The following ELAVL2 variants were observed in gnomAD, a reference collection of about 807,000 sequenced individuals.
The protein encoded by ELAVL2 is ELAV-like protein 2.
Under a neutral mutation model 34.6 loss-of-function variants are expected in ELAVL2, and 4 were observed. The observed-to-expected ratio is 0.12, with a 90% CI of 0.06 to 0.26. The LOEUF (loss-of-function observed/expected upper bound fraction) is 0.26, where lower values mean the gene tolerates loss of function less well. Ranked by LOEUF, ELAVL2 falls within the 10% of genes least tolerant of loss-of-function variation. ELAVL2 has a pLI of 1.00. For missense variants in ELAVL2, 432 were observed against 442.8 expected (o/e 0.98, Z 0.22); for synonymous variants, 193 against 154.8 (o/e 1.25, Z -1.83).
At chr9:23,729,636 T>C (rs549640419) in intron 3 of ELAVL2, among the ~76,000 whole-genome samples, 11 of 152,234 alleles carry the variant, frequency 7.2e-5, no homozygotes, top group African/African-American at 2.6e-4. Flanking sequence ...GTGAATCTTT[T>C]CATAGAACAG....
chr9:23,760,595 C>T (rs1216463873), intron 2 of ELAVL2, among the ~76,000 whole-genome samples: 1 of 151,980 alleles, frequency 6.6e-6, no homozygotes, highest in Non-Finnish European at 1.5e-5. Context: ...ATTAAAAACA[C>T]TATAAATTTC....
At chr9:23,743,962 A>G (rs543508573) in intron 2 of ELAVL2, among the ~76,000 whole-genome samples, 2 of 152,306 alleles carry the variant, frequency 1.3e-5, no homozygotes, top group East Asian at 3.9e-4. Flanking sequence ...AGAGCTTCTC[A>G]GCTATTTGGG....
At chr9:23,809,276 A>G (rs539635170) in intron 1 of ELAVL2, among the ~76,000 whole-genome samples, 1 of 152,244 alleles carries the variant, frequency 6.6e-6, no homozygotes, top group African/African-American at 2.4e-5. Context: ...GCACAAGGAC[A>G]ATATTTATAC....
chr9:23,756,458 G>T (rs1402567068), intron 2 of ELAVL2, among the ~76,000 whole-genome samples: 1 of 152,078 alleles, frequency 6.6e-6, no homozygotes, highest in Non-Finnish European at 1.5e-5. Context: ...ATTACCTGAG[G>T]TCTTCCACCA....
At chr9:23,796,130 C>G (rs746621935) in intron 1 of ELAVL2, among the ~76,000 whole-genome samples, 22 of 152,146 alleles carry the variant, frequency 1.4e-4, no homozygotes, top group Non-Finnish European at 2.6e-4. Context: ...AACCAAAAGA[C>G]AAATGATGAA....
At chr9:23,771,759 G>A (rs1270101184) in intron 1 of ELAVL2, among the ~76,000 whole-genome samples, 1 of 152,284 alleles carries the variant, frequency 6.6e-6, no homozygotes. Flanking sequence ...CAAAGTGGAT[G>A]AAGATTAGAT....
chr9:23,847,743 G>C, the ELAVL2 span, among the ~76,000 whole-genome samples: 7 of 152,070 alleles, frequency 4.6e-5, no homozygotes, highest in Non-Finnish European at 8.8e-5. Context: ...CAGAATTATG[G>C]TGAGGGAAAG....
chr9:23,718,256 T>C (rs973370144), intron 3 of ELAVL2, among the ~76,000 whole-genome samples: 48 of 152,202 alleles, frequency 3.2e-4, no homozygotes, highest in African/African-American at 1.2e-3. Context: ...AATCCCCATT[T>C]AAACACCTGT....
intron 2 of ELAVL2, among the ~76,000 whole-genome samples, chr9:23,736,148 A>T (rs2134874870): frequency 6.6e-6 from 1 of 152,318 alleles, no homozygotes; most frequent in South Asian, 2.1e-4. Context: ...GAAAAATCAA[A>T]TTACCCCCTC....
intron 1 of ELAVL2, among the ~76,000 whole-genome samples, chr9:23,777,891 G>A (rs993967645): frequency 6.6e-6 from 1 of 152,272 alleles, no homozygotes; most frequent in East Asian, 1.9e-4. Context: ...GGAAACAAGT[G>A]AATCTTTTTT....
chr9:23,730,817 C>T (rs1465150395), intron 3 of ELAVL2, among the ~76,000 whole-genome samples: 1 of 151,990 alleles, frequency 6.6e-6, no homozygotes, highest in African/African-American at 2.4e-5. Context: ...TTGCTCTGTC[C>T]CCCTTTGCGA....
chr9:23,830,452 A>G (rs1423375235), upstream of ELAVL2, among the ~76,000 whole-genome samples: 1 of 152,152 alleles, frequency 6.6e-6, no homozygotes, highest in Non-Finnish European at 1.5e-5. Context: ...AGCACACTCA[A>G]GGAATATTCC....
At chr9:23,774,433 G>T (rs1351498289) in intron 1 of ELAVL2, among the ~76,000 whole-genome samples, 1 of 151,972 alleles carries the variant, frequency 6.6e-6, no homozygotes, top group Non-Finnish European at 1.5e-5. Flanking sequence ...TCCTGTCCTG[G>T]ACTGCTGAAG....
chr9:23,708,596 G>A (rs991754101), intron 3 of ELAVL2, among the ~76,000 whole-genome samples: 1 of 152,162 alleles, frequency 6.6e-6, no homozygotes, highest in African/African-American at 2.4e-5. Context: ...AGAGAAACTG[G>A]CCACAGACAG....
rs575593706 is a variant in ELAVL2 at position 23,814,973 on chromosome 9, A to T, written c.-16+10833T>A. Among the ~76,000 whole-genome samples, 42 of 152,274 alleles carry T rather than the reference A, an allele frequency of 2.8e-4. No individual in the cohort carries two copies. The South Asian group carries it at 8.7e-3, about 32-fold the overall frequency. On this transcript the variant is annotated intron_variant, in intron 1 of 6. Transcript: ENST00000397312. Reference sequence around the variant, plus strand: ...CTAAAGAATAAAAAAAGTGCTAAACATCCTTTAAAAGCTGAACAAGTGAGC... The same window carrying T: ...CTAAAGAATAAAAAAAGTGCTAAACTTCCTTTAAAAGCTGAACAAGTGAGC...
intron 1 of ELAVL2, among the ~76,000 whole-genome samples, chr9:23,795,199 T>G (rs1048343681): frequency 1.1e-4 from 16 of 152,300 alleles, no homozygotes; most frequent in African/African-American, 3.8e-4. Context: ...TTTGTTTATA[T>G]TTTATATAAG....
At chr9:23,795,258 AAAAT>A (rs1424056312) in intron 1 of ELAVL2, among the ~76,000 whole-genome samples, 1 of 152,162 alleles carries the variant, frequency 6.6e-6, no homozygotes, top group Non-Finnish European at 1.5e-5. Flanking sequence ...AGAAATGGAG[AAAAT>A]GTTGGGCGTG....
intron 5 of ELAVL2, among the ~76,000 whole-genome samples, chr9:23,697,896 G>A (rs753784418): frequency 2.6e-5 from 4 of 151,704 alleles, no homozygotes; most frequent in African/African-American, 7.3e-5. Context: ...AGCGCCAACC[G>A]AGAACTGCTT....
chr9:23,784,202 A>C (rs1481480389), intron 1 of ELAVL2, among the ~76,000 whole-genome samples: 5 of 150,674 alleles, frequency 3.3e-5, no homozygotes, highest in Admixed American at 3.3e-4. Flanking sequence ...CCGTCTCAAA[A>C]AACAAAAACA....
Sources: gnomAD v4.1 joint callset for allele counts (sites outside exome capture counted in the v4.1 genomes callset) on GRCh38, gnomAD v4.1.1 for gene constraint, MANE v1.5 for transcripts, NCBI Gene and HGNC (gene_info 2026-07-23, HGNC 2026-07-21) for gene names.